RNF144A: variants seen among roughly 807,000 people sequenced by gnomAD.
RNF144A encodes the protein ring finger protein 144A, also known as E3 ubiquitin-protein ligase RNF144A.
Under a neutral mutation model 38.7 loss-of-function variants are expected in RNF144A, and 11 were observed. The observed-to-expected ratio is 0.28, with a 90% CI of 0.18 to 0.47. RNF144A has a LOEUF of 0.47. RNF144A is among the 20% of genes least tolerant of loss of function. The pLI is 0.99. For synonymous variants in RNF144A, 149 were observed against 143.9 expected (o/e 1.04, Z -0.25); for missense variants, 316 against 377.2 (o/e 0.84, Z 1.34).
At chr2:6,971,336 A>G (rs888235825) in intron 2 of RNF144A, among the ~76,000 whole-genome samples, 1 of 152,186 alleles carries the variant, frequency 6.6e-6, no homozygotes, top group Non-Finnish European at 1.5e-5. Flanking sequence ...AAGGATGGCC[A>G]GGGTGTGGGG....
intron 3 of RNF144A, among the ~76,000 whole-genome samples, chr2:7,013,024 T>C (rs1670914849): frequency 6.6e-6 from 1 of 151,826 alleles, no homozygotes; most frequent in Non-Finnish European, 1.5e-5. Flanking sequence ...CTTTGGGAAG[T>C]GGCTCTTTCT....
chr2:6,938,305 C>T (rs1158251378), intron 1 of RNF144A, among the ~76,000 whole-genome samples: 2 of 133,952 alleles, frequency 1.5e-5, no homozygotes, highest in Non-Finnish European at 3.1e-5. Context: ...TGGAGTGCAA[C>T]AGCGTGATCT....
Position 6,943,194 on chromosome 2 carries a change from G to C in RNF144A, c.-12+2047G>C, listed in dbSNP as rs771310. On this transcript the variant is annotated intron_variant, in intron 2 of 8. Coordinates refer to ENST00000320892, the MANE Select transcript of RNF144A (RefSeq NM_014746.6). The surrounding 1 kb of genome is among the most constrained non-coding windows in gnomAD (Gnocchi z 4.3). The stretch of plus-strand genomic sequence containing the variant: ...ATGAGATCCCCAGTGAAAGAAGAGA[G>C]GAGTTGTAAGGACTGGGCCCTGGGG... Among the ~76,000 whole-genome samples, 2,347 of 152,342 alleles carry C rather than the reference G, an allele frequency of 0.015. 65 individuals are homozygous for C. The highest frequency in any genetic ancestry group is 0.053 in the African/African-American group (2,208 of 41,560).
At chr2:7,047,439 C>T (rs1468093809), downstream of RNF144A, among the ~76,000 whole-genome samples, 1 of 152,170 alleles carries the variant, frequency 6.6e-6, no homozygotes, top group Non-Finnish European at 1.5e-5. Flanking sequence ...TCTTAAATGG[C>T]AGTGGCAAGA....
chr2:7,067,993 G>A (rs879219311), intron 6 of RNF144A, among the ~76,000 whole-genome samples: 2 of 152,094 alleles, frequency 1.3e-5, no homozygotes, highest in South Asian at 2.1e-4. Flanking sequence ...CCCTCACCCC[G>A]ATATCTCCTC....
rs114964641 is a variant in RNF144A at position 7,030,511 on chromosome 2, A to T, written c.747+296A>T. 3.5e-3 allele frequency among the ~76,000 whole-genome samples: 525 copies of T among 152,172 alleles called. 2 individuals are homozygous for T. The highest frequency in any genetic ancestry group is 0.012 in the African/African-American group (509 of 41,512). On this transcript the variant is annotated intron_variant, in intron 8 of 8. Coordinates refer to ENST00000320892, the MANE Select transcript of RNF144A (RefSeq NM_014746.6). ...ACTTCAGATCACTTGCACGGGACTC[A>T]TGGCCTTGGTCATGACCTGCTGACC...
chr2:6,964,510 C>T (rs930001603), intron 2 of RNF144A, among the ~76,000 whole-genome samples: 5 of 152,206 alleles, frequency 3.3e-5, no homozygotes, highest in Non-Finnish European at 7.3e-5. Flanking sequence ...GCTATAAAGA[C>T]ACATGCACAC....
At chr2:6,927,456 C>T (rs1664948702) in intron 1 of RNF144A, among the ~76,000 whole-genome samples, 2 of 152,238 alleles carry the variant, frequency 1.3e-5, no homozygotes, top group African/African-American at 4.8e-5. Flanking sequence ...ACTGTGCCAG[C>T]CTAGGCGACT....
intron 6 of RNF144A, among the ~76,000 whole-genome samples, chr2:7,022,589 A>T (rs1671605148): frequency 6.6e-6 from 1 of 152,206 alleles, no homozygotes; most frequent in African/African-American, 2.4e-5. Flanking sequence ...GTTTCTTCCA[A>T]AATCAGCTTG....
intron 3 of RNF144A, among the ~76,000 whole-genome samples, chr2:7,010,975 G>C (rs1409946717): frequency 6.6e-6 from 1 of 152,116 alleles, no homozygotes; most frequent in Non-Finnish European, 1.5e-5. Flanking sequence ...ATGGATCATT[G>C]CATTTGCAGC....
At chr2:6,961,204 G>T (rs1014409956) in intron 2 of RNF144A, among the ~76,000 whole-genome samples, 3 of 151,768 alleles carry the variant, frequency 2.0e-5, no homozygotes, top group African/African-American at 7.3e-5. Flanking sequence ...TGGGTTTCTG[G>T]TTACTTCTTA....
chr2:6,967,596 T>G (rs977209432), intron 2 of RNF144A, among the ~76,000 whole-genome samples: 1 of 152,236 alleles, frequency 6.6e-6, no homozygotes, highest in African/African-American at 2.4e-5. Context: ...GGCAGGGGTG[T>G]GACAGTGACT....
chr2:7,040,663 G>T lies in RNF144A; in HGVS notation c.*903G>T. 2 of 985,442 alleles carry T rather than the reference G, an allele frequency of 2.0e-6. No individual in the cohort carries two copies. Among genetic ancestry groups the T allele is most frequent in the Non-Finnish European group, 2.4e-6 (2 of 829,956 alleles). The allele number at this position is 985,442 out of a possible 1,614,324, so 61.0% of individuals were successfully genotyped here. ...AATGGTTCTCCTCCGAATTGCTGCC[G>T]TCTGGCCTCTGGCCTCAGTCTTCAG... is the stretch of plus-strand genomic sequence containing the variant. On this transcript the variant is annotated 3_prime_UTR_variant, in exon 9 of 9. Coordinates refer to ENST00000320892, the MANE Select transcript of RNF144A (RefSeq NM_014746.6).
intron 1 of RNF144A, among the ~76,000 whole-genome samples, chr2:6,937,207 G>C (rs1665648126): frequency 6.6e-6 from 1 of 152,168 alleles, no homozygotes; most frequent in Admixed American, 6.5e-5. Context: ...AGCTTGGCTG[G>C]AGGCTGTTAA....
At chr2:6,951,613 A>T (rs576665207) in intron 2 of RNF144A, among the ~76,000 whole-genome samples, 17 of 152,180 alleles carry the variant, frequency 1.1e-4, no homozygotes, top group African/African-American at 4.1e-4. Context: ...ATCACTATCC[A>T]TGTATTTATG....
chr2:7,025,192 T>G (rs1460588131), intron 7 of RNF144A, among the ~76,000 whole-genome samples: 1 of 152,236 alleles, frequency 6.6e-6, no homozygotes, highest in African/African-American at 2.4e-5. Flanking sequence ...GCAAGAGCCA[T>G]GTCCCTGACG....
chr2:6,995,517 C>A (rs1316875866), intron 2 of RNF144A, among the ~76,000 whole-genome samples: 1 of 152,156 alleles, frequency 6.6e-6, no homozygotes, highest in Non-Finnish European at 1.5e-5. Flanking sequence ...CAGTCCAAGT[C>A]CCAAAATCTC....
intron 2 of RNF144A, among the ~76,000 whole-genome samples, chr2:6,970,535 T>C (rs1475537362): frequency 2.0e-5 from 3 of 152,204 alleles, no homozygotes; most frequent in Admixed American, 6.5e-5. Flanking sequence ...CCCCAAGATA[T>C]CTCATCAGGT....
At chr2:6,974,488 G>A (rs1465962601) in intron 2 of RNF144A, among the ~76,000 whole-genome samples, 1 of 152,048 alleles carries the variant, frequency 6.6e-6, no homozygotes, top group African/African-American at 2.4e-5. Context: ...TTATAAGTTG[G>A]TGCACCTAGT....
Sources: allele counts gnomAD v4.1 joint callset (sites outside exome capture counted in the v4.1 genomes callset), GRCh38; gene constraint gnomAD v4.1.1; non-coding constraint Gnocchi (gnomAD v3.1); transcripts MANE v1.5; gene names NCBI Gene and HGNC (gene_info 2026-07-23, HGNC 2026-07-21).